Variants in KCNH8 observed in about 807,000 individuals in gnomAD.
The protein encoded by KCNH8 is potassium voltage-gated channel subfamily H member 8.
KCNH8 carries 70 observed loss-of-function variants against 103.6 expected under a neutral mutation model. The observed-to-expected ratio is 0.68, with a 90% CI of 0.56 to 0.82. The LOEUF is 0.82. KCNH8 is among the 40% of genes least tolerant of loss of function. KCNH8 has a pLI of 0.00. For synonymous variants in KCNH8, 498 were observed against 489.4 expected, an observed-to-expected ratio of 1.02 and a Z score of -0.23; for missense variants, 1,217 against 1,329.9, an observed-to-expected ratio of 0.92 and a Z score of 1.32.
At chr3:19,407,905 T>C (rs758909231) in intron 7 of KCNH8, among the ~76,000 whole-genome samples, 4 of 152,106 alleles carry the variant, frequency 2.6e-5, no homozygotes, top group Non-Finnish European at 5.9e-5. Context: ...CACTTCTGGG[T>C]ACATGGTGAC....
intron 2 of KCNH8, among the ~76,000 whole-genome samples, chr3:19,273,805 C>G (rs1361877177): frequency 1.3e-5 from 2 of 152,138 alleles, no homozygotes; most frequent in Non-Finnish European, 2.9e-5. Flanking sequence ...TGATCCCAGT[C>G]TCATTGGATA....
intron 5 of KCNH8, among the ~76,000 whole-genome samples, chr3:19,374,575 CTT>C: frequency 6.6e-6 from 1 of 152,190 alleles, no homozygotes; most frequent in East Asian, 1.9e-4. Context: ...CAGTCTGTGT[CTT>C]TTAATTGGAG....
intron 11 of KCNH8, among the ~76,000 whole-genome samples, chr3:19,470,033 A>G (rs1443551644): frequency 6.6e-6 from 1 of 152,088 alleles, no homozygotes; most frequent in Admixed American, 6.6e-5. Flanking sequence ...AAAGGAAAGT[A>G]GTTACTTTCA....
intron 1 of KCNH8, among the ~76,000 whole-genome samples, chr3:19,250,481 G>A (rs1022905528): frequency 6.6e-6 from 1 of 152,142 alleles, no homozygotes; most frequent in Non-Finnish European, 1.5e-5. Context: ...GAAAATATAT[G>A]CTAGACAAAT....
At chr3:19,187,462 C>G (rs1405020046) in intron 1 of KCNH8, among the ~76,000 whole-genome samples, 1 of 152,016 alleles carries the variant, frequency 6.6e-6, no homozygotes, top group Non-Finnish European at 1.5e-5. Flanking sequence ...ATGACCATAC[C>G]TTGTTAATGT....
chr3:19,501,359 T>G (rs2068579127), intron 11 of KCNH8, among the ~76,000 whole-genome samples: 1 of 152,198 alleles, frequency 6.6e-6, no homozygotes, highest in East Asian at 1.9e-4. Flanking sequence ...AAGGAGGAAC[T>G]GGTACCATTC....
chr3:19,350,075 T>G (rs1402301396), intron 5 of KCNH8, among the ~76,000 whole-genome samples: 2 of 152,158 alleles, frequency 1.3e-5, no homozygotes, highest in Non-Finnish European at 2.9e-5. Flanking sequence ...CCTGCTGTTA[T>G]CTGCCTGCTC....
intron 7 of KCNH8, among the ~76,000 whole-genome samples, chr3:19,417,492 C>T (rs1173219880): frequency 6.7e-6 from 1 of 150,106 alleles, no homozygotes; most frequent in African/African-American, 2.5e-5. Flanking sequence ...GATTATTATA[C>T]TTATAAGTAA....
In KCNH8 at chr3:19,337,851, A is replaced by G. The variant is rs17005828; in HGVS notation, c.443-4736A>G. ...TTCTTTTGAAAACTCAAATGTTCTC[A>G]TGTCATTTGAAAGTTTAAAATCTTG... is the stretch of plus-strand genomic sequence containing the variant. On this transcript the variant is annotated intron_variant, in intron 3 of 15. Coordinates refer to ENST00000328405, the MANE Select transcript of KCNH8 (RefSeq NM_144633.3). 8.5e-3 allele frequency among the ~76,000 whole-genome samples: 1,288 copies of G among 152,082 alleles called. 24 individuals are homozygous for G. Among genetic ancestry groups the G allele is most frequent in the African/African-American group, 0.029 (1,190 of 41,490 alleles).
chr3:19,173,646 A>G (rs78027141), intron 1 of KCNH8, among the ~76,000 whole-genome samples: 2,742 of 152,242 alleles, frequency 0.018, 87 homozygotes, highest in African/African-American at 0.061. Context: ...ACCCACACAC[A>G]CACATCCACA....
intron 3 of KCNH8, among the ~76,000 whole-genome samples, chr3:19,298,214 A>G (rs2065019786): frequency 6.6e-6 from 1 of 152,238 alleles, no homozygotes; most frequent in Non-Finnish European, 1.5e-5. Context: ...AAACCTTTCT[A>G]AGGTAACATC....
chr3:19,348,961 C>T (rs1164463691), intron 5 of KCNH8, among the ~76,000 whole-genome samples: 5 of 151,728 alleles, frequency 3.3e-5, no homozygotes, highest in Non-Finnish European at 5.9e-5. Context: ...GGCTAGAGTG[C>T]GTTTTCTGGT....
intron 1 of KCNH8, among the ~76,000 whole-genome samples, chr3:19,223,356 T>G (rs2063896428): frequency 6.6e-6 from 1 of 152,218 alleles, no homozygotes; most frequent in South Asian, 2.1e-4. Flanking sequence ...CTTTAACTAA[T>G]GTAGTCAGAT....
intron 1 of KCNH8, among the ~76,000 whole-genome samples, chr3:19,158,061 T>C (rs1027410154): frequency 1.3e-5 from 2 of 151,550 alleles, no homozygotes; most frequent in Non-Finnish European, 3.0e-5. Context: ...TGTATAATTT[T>C]TAAAACATAT....
At position 19,498,770 on chromosome 3, in the gene KCNH8, C is replaced by T. The variant is rs187461454; in HGVS notation, c.2041-11593C>T. ...CAGATGGGTTTTTTGGTGTGGATGT[C>T]CTTTCTGTTTGTTAGTTTTCCTTCT... On this transcript the variant is annotated intron_variant, in intron 11 of 15. Transcript: ENST00000328405. Among the ~76,000 whole-genome samples, 473 of 152,174 alleles carry T rather than the reference C, an allele frequency of 3.1e-3. 4 individuals are homozygous for T. The highest frequency in any genetic ancestry group is 0.01 in the African/African-American group (429 of 41,526).
chr3:19,501,068 G>C (rs1254680656), intron 11 of KCNH8, among the ~76,000 whole-genome samples: 6 of 151,942 alleles, frequency 3.9e-5, no homozygotes, highest in South Asian at 2.1e-4. Context: ...GAATCAAATA[G>C]ACACAATAAA....
intron 11 of KCNH8, among the ~76,000 whole-genome samples, chr3:19,461,882 G>T (rs2067637551): frequency 6.6e-6 from 1 of 152,004 alleles, no homozygotes; most frequent in Non-Finnish European, 1.5e-5. Context: ...TGTTCTCATT[G>T]TTCAATTCCT....
intron 1 of KCNH8, among the ~76,000 whole-genome samples, chr3:19,166,688 G>A (rs2063289105): frequency 6.6e-6 from 1 of 152,172 alleles, no homozygotes. Flanking sequence ...CAGTAGGCTT[G>A]GGGACAGCAA....
intron 3 of KCNH8, among the ~76,000 whole-genome samples, chr3:19,335,256 A>G (rs1373067617): frequency 6.6e-6 from 1 of 151,672 alleles, no homozygotes. Context: ...CATGTGTTTT[A>G]TTTTTATTTA....
Sources: allele counts gnomAD v4.1 joint callset (sites outside exome capture counted in the v4.1 genomes callset), GRCh38; gene constraint gnomAD v4.1.1; transcripts MANE v1.5; gene names NCBI Gene and HGNC (gene_info 2026-07-23, HGNC 2026-07-21).